The following CACNA1C variants were observed in gnomAD, a reference collection of about 807,000 sequenced individuals.
CACNA1C encodes voltage-dependent L-type calcium channel subunit alpha-1C.
Under a neutral mutation model 229.0 loss-of-function variants are expected in CACNA1C, and 30 were observed. That is an observed-to-expected ratio of 0.13 (90% confidence interval 0.10 to 0.18). The LOEUF (loss-of-function observed/expected upper bound fraction) is 0.18, where lower values mean the gene tolerates loss of function less well. Among genes scored for constraint, CACNA1C ranks in the 10% least tolerant of loss-of-function variants. The pLI, the probability that CACNA1C is intolerant of heterozygous loss-of-function variation, is 1.00. For synonymous variants in CACNA1C, 1,114 were observed against 1,132.5 expected (o/e 0.98, Z 0.33); for missense variants, 1,658 against 2,845.0 (o/e 0.58, Z 9.49).
intron 3 of CACNA1C, among the ~76,000 whole-genome samples, chr12:2,283,235 G>A (rs2091885701): frequency 6.6e-6 from 1 of 152,114 alleles, no homozygotes; most frequent in African/African-American, 2.4e-5. Flanking sequence ...CAAGGTGCAA[G>A]GCTACTTCTC....
intron 27 of CACNA1C, among the ~76,000 whole-genome samples, chr12:2,609,161 G>T (rs1168170818): frequency 6.6e-6 from 1 of 152,178 alleles, no homozygotes; most frequent in Non-Finnish European, 1.5e-5. Flanking sequence ...GCTTGTGTGG[G>T]AGGTGGGGGC....
chr12:2,314,970 C>G, intron 3 of CACNA1C, among the ~76,000 whole-genome samples: 1 of 152,232 alleles, frequency 6.6e-6, no homozygotes, highest in Middle Eastern at 3.4e-3. Context: ...CAGCCCCTGC[C>G]GACTTGCCTT....
intron 3 of CACNA1C, among the ~76,000 whole-genome samples, chr12:2,434,759 G>A (rs903444740): frequency 1.2e-4 from 18 of 152,200 alleles, no homozygotes; most frequent in Admixed American, 7.8e-4. Flanking sequence ...TGAAGGCCAC[G>A]TTTGATAGTC....
At chr12:2,682,472 G>C in intron 42 of CACNA1C, 78 bp from the exon 43 acceptor site, 3 of 1,541,536 alleles carry the variant, frequency 1.9e-6, no homozygotes, top group South Asian at 1.2e-5. Flanking sequence ...GTGTGTGCGT[G>C]TGTGATGCTT....
intron 3 of CACNA1C, among the ~76,000 whole-genome samples, chr12:2,169,164 G>A (rs957123185): frequency 3.3e-5 from 5 of 152,132 alleles, no homozygotes; most frequent in Admixed American, 2.6e-4. Context: ...CACTCAGTTC[G>A]TGAAACATCA....
At chr12:2,274,417 G>A (rs1422795650) in intron 3 of CACNA1C, among the ~76,000 whole-genome samples, 3 of 152,192 alleles carry the variant, frequency 2.0e-5, no homozygotes, top group African/African-American at 7.2e-5. Context: ...ATGGAGAGAC[G>A]TCCTGAGACA....
intron 5 of CACNA1C, among the ~76,000 whole-genome samples, chr12:2,477,776 C>G (rs771886883): frequency 5.3e-5 from 8 of 152,204 alleles, no homozygotes; most frequent in Non-Finnish European, 8.8e-5. Flanking sequence ...CCACTTGCTT[C>G]TTCAGCCTAG....
At chr12:2,641,514 C>A (rs545364337) in intron 30 of CACNA1C, 23 of 584,294 alleles carry the variant, frequency 3.9e-5, no homozygotes, top group Middle Eastern at 4.5e-4. Context: ...CTCCAGCCCC[C>A]CTTCTCATTG....
In CACNA1C at chr12:2,138,094, TG is replaced by T. The variant is rs540986204; in HGVS notation, c.477+17667del. The stretch of plus-strand genomic sequence containing the variant: ...TTCCTCAAATGCATAGCAGAAATAG[TG>T]GGAAAACCCCAGGGCTTTTATTATC... On this transcript the variant is annotated intron_variant, in intron 3 of 46. Transcript: ENST00000399655. Among the ~76,000 whole-genome samples, 17 of 151,496 alleles carry T rather than the reference TG, an allele frequency of 1.1e-4. No homozygotes were observed. The South Asian group carries it at 3.6e-3, about 32-fold the overall frequency.
chr12:2,596,068 T>C, intron 20 of CACNA1C, 65 bp downstream of exon 20: 2 of 1,480,160 alleles, frequency 1.4e-6, no homozygotes, highest in Non-Finnish European at 1.8e-6. Context: ...ACAGCTTCTG[T>C]TGCTGACATC....
intron 3 of CACNA1C, among the ~76,000 whole-genome samples, chr12:2,237,131 C>G (rs2067712671): frequency 6.6e-6 from 1 of 152,178 alleles, no homozygotes; most frequent in African/African-American, 2.4e-5. Context: ...CTGGGGAAGA[C>G]CAGACCTTAT....
chr12:2,642,106 G>A (rs1245518400), intron 30 of CACNA1C, among the ~76,000 whole-genome samples: 1 of 152,160 alleles, frequency 6.6e-6, no homozygotes, highest in Non-Finnish European at 1.5e-5. Flanking sequence ...CTGCAGGTTT[G>A]ACCCGAAAGG....
chr12:2,572,332 T>TCTC (rs2055184663), intron 13 of CACNA1C, among the ~76,000 whole-genome samples: 1 of 32,488 alleles, frequency 3.1e-5, no homozygotes, highest in East Asian at 1.2e-3. Flanking sequence ...TCCTCCTCCT[T>TCTC]CTCTTCTTCC....
intron 20 of CACNA1C, among the ~76,000 whole-genome samples, chr12:2,596,519 G>T (rs1467805874): frequency 6.6e-6 from 1 of 152,196 alleles, no homozygotes; most frequent in Non-Finnish European, 1.5e-5. Context: ...TCAAAACTTT[G>T]TCAAGTCCCA....
intron 3 of CACNA1C, among the ~76,000 whole-genome samples, chr12:2,270,901 G>A (rs1156679910): frequency 1.3e-5 from 2 of 152,218 alleles, no homozygotes; most frequent in Non-Finnish European, 2.9e-5. Context: ...GGGCTGGATG[G>A]TGGTGGGGGG....
intron 3 of CACNA1C, among the ~76,000 whole-genome samples, chr12:2,322,328 C>G (rs1168205535): frequency 2.6e-5 from 4 of 152,140 alleles, no homozygotes; most frequent in Admixed American, 6.5e-5. Context: ...ACTTCAGAAG[C>G]CAGCAGGTGG....
At chr12:2,360,232 T>A (rs1489435463) in intron 3 of CACNA1C, among the ~76,000 whole-genome samples, 3 of 127,622 alleles carry the variant, frequency 2.4e-5, no homozygotes, top group African/African-American at 8.8e-5. Context: ...ACTAACTCAT[T>A]GAGAACCAAG....
In CACNA1C at chr12:2,239,547, C is replaced by T. The variant is rs150597463; in HGVS notation, c.477+119117C>T. Among the ~76,000 whole-genome samples the T allele has an allele frequency of 9.6e-3, 1,463 of 152,262 alleles. 25 individuals carry two copies. The highest frequency in any genetic ancestry group is 0.034 in the African/African-American group (1,393 of 41,528). On this transcript the variant is annotated intron_variant, in intron 3 of 46. Coordinates refer to ENST00000399655, the MANE Select transcript of CACNA1C (RefSeq NM_000719.7). ...TCAGCTCTTTTCCTGGGAAGCCCGG[C>T]GCTTCCCGGGTAGGAGATTCTATCC...
rs1425025235 is a variant in CACNA1C at position 2,181,424 on chromosome 12, CAGACT to C, written c.477+60995_477+60999del. Reference sequence around the variant, plus strand: ...AGAGTTAAGATCAACATGATCACAGCAGACTGACACGGCGAGCTGAAACAAACAGG... The same window carrying C: ...AGAGTTAAGATCAACATGATCACAGCGACACGGCGAGCTGAAACAAACAGG... On this transcript the variant is annotated intron_variant, in intron 3 of 46. Coordinates refer to ENST00000399655, the MANE Select transcript of CACNA1C (RefSeq NM_000719.7). The surrounding 1 kb of genome is among the most constrained non-coding windows in gnomAD (Gnocchi z 4.0). Among the ~76,000 whole-genome samples the C allele has an allele frequency of 6.6e-6, 1 of 152,168 alleles. No homozygotes were observed. Among genetic ancestry groups the C allele is most frequent in the African/African-American group, 2.4e-5 (1 of 41,442 alleles).
Sources: gnomAD v4.1 joint callset for allele counts (sites outside exome capture counted in the v4.1 genomes callset) on GRCh38, gnomAD v4.1.1 for gene constraint, Gnocchi (gnomAD v3.1) non-coding constraint, MANE v1.5 for transcripts, NCBI Gene and HGNC (gene_info 2026-07-23, HGNC 2026-07-21) for gene names.